Variants in VAMP7 observed in about 807,000 individuals in gnomAD.
The protein encoded by VAMP7 is vesicle-associated membrane protein 7.
A neutral mutation model predicts 29.6 loss-of-function variants in VAMP7; 14 were observed. The ratio of observed to expected loss-of-function variants is 0.47; its 90% CI spans 0.31 to 0.74. VAMP7 has a LOEUF of 0.74. Among genes scored for constraint, VAMP7 ranks in the 30% least tolerant of loss-of-function variants. VAMP7 has a pLI of 0.05. For synonymous variants in VAMP7, 95 were observed against 88.1 expected, an observed-to-expected ratio of 1.08 and a Z score of -0.44; for missense variants, 223 against 262.4, an observed-to-expected ratio of 0.85 and a Z score of 1.04.
At chrX:155,919,904 G>GGAGTCT in intron 6 of VAMP7, 24 bp downstream of exon 6, 3 of 1,568,278 alleles carry the variant, frequency 1.9e-6, no homozygotes, top group Non-Finnish European at 2.6e-6. Flanking sequence ...CTGATAATAT[G>GGAGTCT]GAGTCTGATG....
At chrX:155,937,192 C>T (rs1273994792) in intron 6 of VAMP7, among the ~76,000 whole-genome samples, 3 of 151,928 alleles carry the variant, frequency 2.0e-5, no homozygotes, top group Non-Finnish European at 4.4e-5. Context: ...TGTATGATTT[C>T]ACTTATATAT....
intron 3 of VAMP7, 147 bp from the exon 4 acceptor site, chrX:155,897,965 A>T: frequency 9.8e-7 from 1 of 1,015,484 alleles, no homozygotes; most frequent in Non-Finnish European, 1.4e-6. Context: ...GCCTTCCTTT[A>T]CTTATCTTTA....
intron 1 of VAMP7, among the ~76,000 whole-genome samples, chrX:155,888,095 C>T (rs1365299244): frequency 6.6e-6 from 1 of 152,080 alleles, no homozygotes; most frequent in Non-Finnish European, 1.5e-5. Context: ...GAGATCACAA[C>T]CCTGGGGAAC....
At chrX:155,893,120 G>A (rs5983676) in intron 2 of VAMP7, among the ~76,000 whole-genome samples, 4,529 of 152,136 alleles carry the variant, frequency 0.03, 239 homozygotes, top group African/African-American at 0.1. Flanking sequence ...TTGATGGCAG[G>A]GATCATACCT....
chrX:155,925,897 A>T (rs2066459983), intron 6 of VAMP7, among the ~76,000 whole-genome samples: 1 of 152,102 alleles, frequency 6.6e-6, no homozygotes, highest in African/African-American at 2.4e-5. Context: ...CAGGCATGAA[A>T]ACGACATTTA....
intron 1 of VAMP7, among the ~76,000 whole-genome samples, chrX:155,883,795 C>A (rs1205667800): frequency 2.0e-5 from 3 of 150,664 alleles, no homozygotes; most frequent in African/African-American, 7.3e-5. Context: ...ACTGCAACCT[C>A]CGCCTCCCAG....
intron 6 of VAMP7, among the ~76,000 whole-genome samples, chrX:155,932,190 G>A (rs1569450472): frequency 6.6e-6 from 1 of 152,126 alleles, no homozygotes; most frequent in Non-Finnish European, 1.5e-5. Context: ...TGGCAATGCA[G>A]GCTCTTTTTT....
intron 6 of VAMP7, among the ~76,000 whole-genome samples, chrX:155,938,683 G>A (rs1271812202): frequency 2.0e-5 from 3 of 152,102 alleles, no homozygotes; most frequent in African/African-American, 7.2e-5. Flanking sequence ...GAGAGTGGTG[G>A]CACACACCTA....
intron 5 of VAMP7, among the ~76,000 whole-genome samples, chrX:155,910,489 A>G: frequency 6.6e-6 from 1 of 151,954 alleles, no homozygotes; most frequent in East Asian, 1.9e-4. Flanking sequence ...GGATTGCTGG[A>G]TCATATGGTA....
intron 5 of VAMP7, among the ~76,000 whole-genome samples, chrX:155,901,552 G>GGTTT (rs1471197787): frequency 2.0e-5 from 3 of 152,010 alleles, no homozygotes; most frequent in Non-Finnish European, 4.4e-5. Context: ...TTTTGTATAA[G>GGTTT]GTATAAGGAA....
intron 5 of VAMP7, among the ~76,000 whole-genome samples, chrX:155,903,073 C>T (rs2066091278): frequency 1.3e-5 from 2 of 151,946 alleles, no homozygotes; most frequent in Admixed American, 1.3e-4. Context: ...TTCAGAGATT[C>T]AACTTCTTCC....
intron 4 of VAMP7, 42 bp downstream of exon 4, chrX:155,898,291 C>T (rs1157943414): frequency 2.5e-6 from 4 of 1,603,796 alleles, no homozygotes; most frequent in Admixed American, 1.7e-5. Context: ...TTTATATCTT[C>T]TTCATTACCT....
chrX:155,906,526 C>T (rs1241402032), intron 5 of VAMP7, among the ~76,000 whole-genome samples: 6 of 152,166 alleles, frequency 3.9e-5, no homozygotes, highest in Non-Finnish European at 8.8e-5. Flanking sequence ...TTTTCTTTAA[C>T]AATATCTCTT....
chrX:155,933,539 C>T (rs1010533823), intron 6 of VAMP7, among the ~76,000 whole-genome samples: 4 of 152,094 alleles, frequency 2.6e-5, no homozygotes, highest in Non-Finnish European at 4.4e-5. Flanking sequence ...TCTGTGGGAT[C>T]GGTGGTGATA....
chrX:155,938,082 T>G (rs772248726), intron 6 of VAMP7, among the ~76,000 whole-genome samples: 94 of 152,330 alleles, frequency 6.2e-4, no homozygotes, highest in African/African-American at 2.2e-3. Context: ...TTGTTTAAAA[T>G]TAGTTCAATT....
intron 5 of VAMP7, among the ~76,000 whole-genome samples, chrX:155,918,321 T>C (rs966692966): frequency 1.3e-5 from 2 of 151,862 alleles, no homozygotes; most frequent in South Asian, 2.1e-4. Context: ...TGAACAGTTA[T>C]GTCTCACTGG....
Position 155,895,652 on chromosome X carries a change from G to T in VAMP7, c.176G>T (p.Arg59Met). Residue 59 changes from arginine (R) to methionine (M), a missense_variant, in exon 3 of 8, where the codon AGG becomes ATG. Transcript: ENST00000286448. The part of the protein sequence containing the change: ...NYLFHYICQD[R>M]IVYLCITDDD... ...TTGTTTCATTACATCTGCCAAGACA[G>T]GATTGTATATCTTTGTATCACTGAT... 6.2e-7 allele frequency: 1 copy of T among 1,610,480 alleles called. No individual in the cohort carries two copies. The highest frequency in any genetic ancestry group is 8.5e-7 in the Non-Finnish European group (1 of 1,176,938).
At chrX:155,905,883 T>A (rs974940320) in intron 5 of VAMP7, among the ~76,000 whole-genome samples, 2 of 152,120 alleles carry the variant, frequency 1.3e-5, no homozygotes, top group Non-Finnish European at 2.9e-5. Flanking sequence ...GTACCTTTCA[T>A]TTTCATGAAC....
chrX:155,921,858 G>A (rs1264216231), intron 6 of VAMP7, among the ~76,000 whole-genome samples: 2 of 152,026 alleles, frequency 1.3e-5, no homozygotes, highest in African/African-American at 4.8e-5. Flanking sequence ...CCACAACAAT[G>A]TGTATCTTTG....
Sources: gnomAD v4.1 joint callset for allele counts (sites outside exome capture counted in the v4.1 genomes callset) on GRCh38, gnomAD v4.1.1 for gene constraint, MANE v1.5 for transcripts, NCBI Gene and HGNC (gene_info 2026-07-23, HGNC 2026-07-21) for gene names.